The following CYP2C19 variants were observed in gnomAD, a reference collection of about 807,000 sequenced individuals.
CYP2C19 encodes cytochrome P450 family 2 subfamily C member 19, also known as cytochrome P450 2C19.
CYP2C19 carries 59 observed loss-of-function variants against 40.9 expected under a neutral mutation model. The observed-to-expected ratio is 1.44, with a 90% CI of 1.17 to 1.79. The LOEUF is 1.79. CYP2C19 is among the 40% of genes most tolerant of loss of function. The probability of loss-of-function intolerance (pLI) is 0.00; values close to 1 mark genes in which losing one functional copy is unlikely to be tolerated. For synonymous variants in CYP2C19, 253 were observed against 208.7 expected (o/e 1.21, Z -1.83); for missense variants, 754 against 596.9 (o/e 1.26, Z -2.74).
At chr10:94,852,443 T>A (rs1273226103) in intron 8 of CYP2C19, among the ~76,000 whole-genome samples, 1 of 152,210 alleles carries the variant, frequency 6.6e-6, no homozygotes, top group Non-Finnish European at 1.5e-5. Flanking sequence ...TAGCTGACAG[T>A]CAATAAACAT....
chr10:94,765,779 G>A (rs11188075), intron 1 of CYP2C19, among the ~76,000 whole-genome samples: 148,770 of 152,166 alleles, frequency 0.98, 72,827 homozygotes, highest in East Asian at 1. Context: ...AATCCATCTG[G>A]ATAGAGCTGT....
At position 94,775,373 on chromosome 10, in the gene CYP2C19, G is replaced by T; in HGVS notation, c.332-17G>T. ...TGCCTGGGATCTCCCTCCTAGTTTC[G>T]TTTCTCTTCCTGTTAGGAATCGTTT... is the stretch of plus-strand genomic sequence containing the variant. On this transcript the variant is annotated splice_polypyrimidine_tract_variant and intron_variant, in intron 2 of 8. Coordinates refer to ENST00000371321, the MANE Select transcript of CYP2C19 (RefSeq NM_000769.4). The T allele has an allele frequency of 4.3e-6, 7 of 1,613,576 alleles. No individual in the cohort carries two copies. The highest frequency in any genetic ancestry group is 5.9e-6 in the Non-Finnish European group (7 of 1,180,014).
chr10:94,781,820 G>C lies in CYP2C19; in HGVS notation c.643-1G>C. 7.1e-7 allele frequency: 1 copy of C among 1,400,226 alleles called. No homozygotes were observed. Among genetic ancestry groups the C allele is most frequent in the Non-Finnish European group, 9.4e-7 (1 of 1,061,080 alleles). The allele number at this position is 1,400,226 out of a possible 1,614,324, so 86.7% of individuals were successfully genotyped here. ...TTTAATAAATTATTGTTTTCTCTTA[G>C]ATATGCAATAATTTTCCCACTATCA... On this transcript the variant is annotated splice_acceptor_variant, in intron 4 of 8. Transcript: ENST00000371321. LOFTEE classifies it high-confidence loss of function.
intron 5 of CYP2C19, among the ~76,000 whole-genome samples, chr10:94,792,497 G>T (rs1848617743): frequency 6.6e-6 from 1 of 152,100 alleles, no homozygotes; most frequent in Non-Finnish European, 1.5e-5. Flanking sequence ...CATACCAGTT[G>T]TTCCTTTCCA....
intron 6 of CYP2C19, among the ~76,000 whole-genome samples, chr10:94,841,189 G>T (rs1358517976): frequency 6.6e-6 from 1 of 152,324 alleles, no homozygotes; most frequent in Middle Eastern, 3.4e-3. Context: ...TCTACTAAAA[G>T]CTGTGGGTCA....
At chr10:94,830,072 G>A (rs1435082348) in intron 6 of CYP2C19, among the ~76,000 whole-genome samples, 3 of 152,310 alleles carry the variant, frequency 2.0e-5, no homozygotes, top group South Asian at 2.1e-4. Context: ...GTCAGACAGG[G>A]ACATTTAAGT....
At chr10:94,804,296 T>A (rs1395159128) in intron 5 of CYP2C19, among the ~76,000 whole-genome samples, 2 of 152,148 alleles carry the variant, frequency 1.3e-5, no homozygotes, top group African/African-American at 4.8e-5. Context: ...AGGTCTGTAA[T>A]GTGGGAGGGC....
At chr10:94,769,606 G>T (rs1848299202) in intron 1 of CYP2C19, among the ~76,000 whole-genome samples, 1 of 152,178 alleles carries the variant, frequency 6.6e-6, no homozygotes, top group South Asian at 2.1e-4. Flanking sequence ...TTTGGTTTTT[G>T]TACTCCTAGA....
intron 5 of CYP2C19, among the ~76,000 whole-genome samples, chr10:94,791,775 T>G (rs1371309225): frequency 6.6e-6 from 1 of 152,170 alleles, no homozygotes; most frequent in Non-Finnish European, 1.5e-5. Context: ...TGAGGAGTGC[T>G]TTACTTCCAG....
chr10:94,811,858 G>A (rs180853402), intron 5 of CYP2C19, among the ~76,000 whole-genome samples: 3,300 of 151,990 alleles, frequency 0.022, 116 homozygotes, highest in African/African-American at 0.074. Flanking sequence ...TTTAATTGGG[G>A]CATTTAGCCT....
intron 5 of CYP2C19, among the ~76,000 whole-genome samples, chr10:94,809,808 A>G (rs907031714): frequency 3.3e-5 from 5 of 152,178 alleles, no homozygotes; most frequent in African/African-American, 7.2e-5. Context: ...CCTTTTCTGC[A>G]TCTATTCAGA....
intron 7 of CYP2C19, among the ~76,000 whole-genome samples, chr10:94,845,931 T>C (rs1218836093): frequency 6.6e-6 from 1 of 152,126 alleles, no homozygotes; most frequent in African/African-American, 2.4e-5. Context: ...ATATATCTAC[T>C]TTGATATCTG....
At chr10:94,804,803 T>A (rs1240354736) in intron 5 of CYP2C19, among the ~76,000 whole-genome samples, 2 of 152,228 alleles carry the variant, frequency 1.3e-5, no homozygotes, top group African/African-American at 2.4e-5. Context: ...ACAAAGTTGA[T>A]CTTTATGTAC....
rs1276297744 is a variant in CYP2C19 at position 94,825,153 on chromosome 10, G to T, written c.961+4516G>T. 2.8e-5 allele frequency among the ~76,000 whole-genome samples: 4 copies of T among 144,598 alleles called. No individual in the cohort carries two copies. The East Asian group carries it at 8.0e-4, about 29-fold the overall frequency. 94.9% of individuals were successfully genotyped at this position (144,598 alleles called of 152,430 possible). A position where few individuals can be genotyped will look rare whatever the true frequency, so the allele number is the denominator to read the frequency against. Reference sequence around the variant, plus strand: ...TGTCTTTATAGCAGCATGATTTATAGTCCTTTGGGTATATACTCAGTAATG... The same window carrying T: ...TGTCTTTATAGCAGCATGATTTATATTCCTTTGGGTATATACTCAGTAATG... On this transcript the variant is annotated intron_variant, in intron 6 of 8. Coordinates refer to ENST00000371321, the MANE Select transcript of CYP2C19 (RefSeq NM_000769.4).
intron 5 of CYP2C19, among the ~76,000 whole-genome samples, chr10:94,801,608 C>G (rs550494112): frequency 6.6e-6 from 1 of 152,088 alleles, no homozygotes; most frequent in Admixed American, 6.6e-5. Context: ...TCATTAGGTC[C>G]ACTTAGTCCA....
In CYP2C19 at chr10:94,780,551, C is replaced by T. The variant is rs765293230; in HGVS notation, c.534C>T (p.Ile178=). ...TGGGCTGTGCTCCCTGCAATGTGAT[C>T]TGCTCCATTATTTTCCAGAAACGTT... is the stretch of plus-strand genomic sequence containing the variant. ...FILGCAPCNV[I]CSIIFQKRFD... Residue 178 remains isoleucine, a synonymous_variant, in exon 4 of 9, where the codon ATC becomes ATT. Transcript: ENST00000371321. 6.2e-7 allele frequency: 1 copy of T among 1,613,902 alleles called. No homozygotes were observed. Among genetic ancestry groups the T allele is most frequent in the South Asian group, 1.1e-5 (1 of 91,070 alleles).
At position 94,838,903 on chromosome 10, in the gene CYP2C19, A is replaced by G. The variant is rs113639214; in HGVS notation, c.962-3934A>G. Among the ~76,000 whole-genome samples the G allele has an allele frequency of 4.7e-3, 715 of 152,272 alleles. 4 individuals carry two copies. Among genetic ancestry groups the G allele is most frequent in the African/African-American group, 0.011 (469 of 41,554 alleles). ...GTTTCTCCCCCTTGAAGAGGATATC[A>G]TGGCCAGGCGGTACTGCAGAAAAAT... On this transcript the variant is annotated intron_variant, in intron 6 of 8. Coordinates refer to ENST00000371321, the MANE Select transcript of CYP2C19 (RefSeq NM_000769.4).
chr10:94,784,919 A>G (rs551615475), intron 5 of CYP2C19, among the ~76,000 whole-genome samples: 1 of 152,110 alleles, frequency 6.6e-6, no homozygotes, highest in African/African-American at 2.4e-5. Flanking sequence ...GTATTTAATG[A>G]CCAGTGATTT....
Position 94,854,455 on chromosome 10 carries a change from A to G in CYP2C19, c.*1541A>G, listed in dbSNP as rs1849702963. Among the ~76,000 whole-genome samples the G allele has an allele frequency of 6.6e-6, 1 of 152,092 alleles. No homozygotes were observed. Among genetic ancestry groups the G allele is most frequent in the Non-Finnish European group, 1.5e-5 (1 of 68,014 alleles). The stretch of plus-strand genomic sequence containing the variant: ...ATTAGCCTCATGTCATCTCCAAAGC[A>G]TAGACAACTAAGTATCTTATGTTAA... On this transcript the variant is annotated 3_prime_UTR_variant, in exon 9 of 9. Transcript: ENST00000371321.
Sources: gnomAD v4.1 joint callset for allele counts (sites outside exome capture counted in the v4.1 genomes callset) on GRCh38, gnomAD v4.1.1 for gene constraint, MANE v1.5 for transcripts, NCBI Gene and HGNC (gene_info 2026-07-23, HGNC 2026-07-21) for gene names.